CCDC57: variants seen among roughly 807,000 people sequenced by gnomAD.
CCDC57 encodes the protein coiled-coil domain containing 57, also known as coiled-coil domain-containing protein 57.
In CCDC57, 118 loss-of-function variants were observed where a neutral mutation model predicts 118.9. That is an observed-to-expected ratio of 0.99 (90% CI 0.86 to 1.16). The LOEUF (loss-of-function observed/expected upper bound fraction) is 1.16. Ranked by LOEUF, CCDC57 falls within the 50% of genes most tolerant of loss-of-function variation. CCDC57 has a pLI of 0.00. For synonymous variants in CCDC57, 527 were observed against 532.9 expected (o/e 0.99, Z 0.15); for missense variants, 1,300 against 1,320.7 (o/e 0.98, Z 0.24).
downstream of CCDC57, chr17:82,101,500 C>T: frequency 1.7e-6 from 1 of 573,948 alleles, no homozygotes; most frequent in South Asian, 2.4e-5. Flanking sequence ...TTAATGGGCC[C>T]TGTGCTCAGG....
At position 82,151,272 on chromosome 17, in the gene CCDC57, C is replaced by T. The variant is rs534786828; in HGVS notation, c.2455+288G>A. Among the ~76,000 whole-genome samples, 113 of 147,112 alleles carry T rather than the reference C, an allele frequency of 7.7e-4. 6 individuals are homozygous for T. In the East Asian group the frequency reaches 0.017, roughly 22 times the overall value. On this transcript the variant is annotated intron_variant, in intron 16 of 19. Coordinates refer to ENST00000665763, the Ensembl canonical transcript of CCDC57. ...CCTGGCACACACCCAGAACCTGACCCGCACCCAGAACCAGGCGCATACCCA... is the reference window on the plus strand; with the variant it reads ...CCTGGCACACACCCAGAACCTGACCTGCACCCAGAACCAGGCGCATACCCA...
At chr17:82,163,929 C>G (rs770833608) in intron 13 of CCDC57, among the ~76,000 whole-genome samples, 21 of 152,124 alleles carry the variant, frequency 1.4e-4, no homozygotes, top group Non-Finnish European at 2.9e-4. Context: ...CATCTCATCA[C>G]GTTGGGAGGC....
intron 7 of CCDC57, among the ~76,000 whole-genome samples, chr17:82,193,333 G>T (rs1328128264): frequency 6.6e-6 from 1 of 152,138 alleles, no homozygotes; most frequent in East Asian, 1.9e-4. Context: ...GGTCATTTGA[G>T]GCTAAGAGTT....
intron 16 of CCDC57, among the ~76,000 whole-genome samples, chr17:82,142,888 G>A (rs1475687592): frequency 2.6e-5 from 4 of 152,138 alleles, no homozygotes; most frequent in Admixed American, 6.5e-5. Context: ...CACACTGGCC[G>A]GGTACGTGGC....
At chr17:82,129,201 G>A (rs7225119) in intron 17 of CCDC57, among the ~76,000 whole-genome samples, 79,963 of 151,974 alleles carry the variant, frequency 0.53, 21,847 homozygotes, top group Non-Finnish European at 0.58. Flanking sequence ...TCACAGGTGT[G>A]AGCCACCACG....
chr17:82,191,034 A>G (rs560578706), intron 7 of CCDC57, among the ~76,000 whole-genome samples: 1 of 152,110 alleles, frequency 6.6e-6, no homozygotes, highest in East Asian at 1.9e-4. Context: ...CTGTGTCTAG[A>G]TGTCGTGCCT....
intron 16 of CCDC57, among the ~76,000 whole-genome samples, chr17:82,147,232 GGATGGATGAATGGATA>G (rs1698294242): frequency 1.4e-5 from 2 of 144,104 alleles, no homozygotes; most frequent in South Asian, 2.4e-4. Context: ...GTGGATGGAT[GGATGGATGAATGGATA>G]GATGGATGAA....
chr17:82,145,882 G>T (rs1378007443), intron 16 of CCDC57: 1 of 446,368 alleles, frequency 2.2e-6, no homozygotes, highest in Non-Finnish European at 4.6e-6. Context: ...TCTGAATGGG[G>T]TGTTGGCAGG....
chr17:82,168,569 G>A (rs2044280467), intron 13 of CCDC57, among the ~76,000 whole-genome samples: 1 of 152,308 alleles, frequency 6.6e-6, no homozygotes, highest in South Asian at 2.1e-4. Flanking sequence ...CTGCACTCCA[G>A]CCTGGGCAAC....
chr17:82,165,620 A>G (rs2043894587), intron 13 of CCDC57, among the ~76,000 whole-genome samples: 1 of 152,154 alleles, frequency 6.6e-6, no homozygotes, highest in Non-Finnish European at 1.5e-5. Context: ...CTGTGGACAA[A>G]GGCCAGCTGG....
chr17:82,133,431 C>CAAAAAA (rs71166189), intron 17 of CCDC57, among the ~76,000 whole-genome samples: 5 of 38,396 alleles, frequency 1.3e-4, no homozygotes, highest in Non-Finnish European at 1.9e-4. Flanking sequence ...GGCCCTGTCT[C>CAAAAAA]AAAAAAAAAA....
rs55941734 is a variant in CCDC57, at chr17:82,212,397, CTTTTTT to C, written c.-211+382_-211+387del. Among the ~76,000 whole-genome samples the C allele has an allele frequency of 1.5e-5, 2 of 135,138 alleles. No homozygotes were observed. The highest frequency in any genetic ancestry group is 4.4e-4 in the South Asian group (2 of 4,588). 88.7% of individuals were successfully genotyped at this position (135,138 alleles called of 152,430 possible). On this transcript the variant is annotated intron_variant, in intron 1 of 19. Coordinates refer to ENST00000665763, the Ensembl canonical transcript of CCDC57. This position sits in a 1 kb window ranked among gnomAD's most constrained non-coding sequence, Gnocchi z 4.1. ...CGCCTCCGGCCTTTTTTTTTCCTCT[CTTTTTT>C]TTTTTTTTTTTTTAAACTCACAGAC...
At chr17:82,201,946 G>C in exon 3 of CCDC57, 1 of 1,588,770 alleles carries the variant, frequency 6.3e-7, no homozygotes, top group Non-Finnish European at 8.6e-7. Context: ...TGGCAGCATG[G>C]TGGCCGCTGC....
At chr17:82,126,883 AG>A (rs2037509602) in intron 19 of CCDC57, 1 of 985,332 alleles carries the variant, frequency 1.0e-6, no homozygotes, top group Non-Finnish European at 1.2e-6. Flanking sequence ...GACGGAAGAC[AG>A]AAGCTGTAAG....
At position 82,112,723 on chromosome 17, in the gene CCDC57, G is replaced by A. The variant is rs141533054; in HGVS notation, c.2900-10857C>T. 1,268 of 152,518 alleles carry A rather than the reference G, an allele frequency of 8.3e-3. 4 individuals carry two copies. The highest frequency in any genetic ancestry group is 0.013 in the Non-Finnish European group (865 of 68,250). The allele number at this position is 152,518 out of a possible 1,614,324, so 9.4% of individuals were successfully genotyped here. Reference sequence around the variant, plus strand: ...CTCCCTGTGCCGGCAGCCCAGAAACGGCCTTCAGGCAGAAGGCCAGGGCCC... The same window carrying A: ...CTCCCTGTGCCGGCAGCCCAGAAACAGCCTTCAGGCAGAAGGCCAGGGCCC... On this transcript the variant is annotated intron_variant, in intron 19 of 19. Coordinates refer to ENST00000665763, the Ensembl canonical transcript of CCDC57.
At chr17:82,205,686 G>A (rs1051645609) in intron 2 of CCDC57, among the ~76,000 whole-genome samples, 7 of 152,168 alleles carry the variant, frequency 4.6e-5, no homozygotes, top group African/African-American at 7.2e-5. Context: ...CAGATGGCAC[G>A]TACCACCCCC....
chr17:82,207,933 T>C (rs74451361), exon 2 of CCDC57: 6,025 of 152,298 alleles, frequency 0.04, 151 homozygotes, highest in South Asian at 0.073. Flanking sequence ...TGACTGCTCA[T>C]GTGCTGGTGA....
Position 82,194,138 on chromosome 17 carries a change from AC to A in CCDC57, c.619del (p.Val207LeufsTer11), listed in dbSNP as rs1568446263. On this transcript the variant is annotated frameshift_variant and splice_region_variant, in exon 6 of 20. Transcript: ENST00000665763. LOFTEE classifies it high-confidence loss of function. ...CTCCAGCTCTTTGTGCAGTAGTTTA[AC>A]CTTTGAATGATAAAAATGAGTTCAA... 3 of 1,610,140 alleles carry A rather than the reference AC, an allele frequency of 1.9e-6. No homozygotes were observed. The highest frequency in any genetic ancestry group is 3.4e-5 in the Admixed American group (2 of 59,530).
chr17:82,143,943 C>CAA (rs60893321), intron 16 of CCDC57, among the ~76,000 whole-genome samples: 3 of 120,924 alleles, frequency 2.5e-5, no homozygotes, highest in African/African-American at 6.2e-5. Flanking sequence ...ACTAAAAATA[C>CAA]AAAAAAAAAA....
Sources: allele counts gnomAD v4.1 joint callset (sites outside exome capture counted in the v4.1 genomes callset), GRCh38; gene constraint gnomAD v4.1.1; non-coding constraint Gnocchi (gnomAD v3.1); transcripts MANE v1.5; gene names NCBI Gene and HGNC (gene_info 2026-07-23, HGNC 2026-07-21).